LHFPL3: variants seen among roughly 807,000 people sequenced by gnomAD.
The protein encoded by LHFPL3 is LHFPL tetraspan subfamily member 3.
Under a neutral mutation model 19.3 loss-of-function variants are expected in LHFPL3, and 5 were observed. That is an observed-to-expected ratio of 0.26 (90% confidence interval 0.14 to 0.54). The LOEUF (loss-of-function observed/expected upper bound fraction) is 0.54. Ranked by LOEUF, LHFPL3 falls within the 20% of genes least tolerant of loss-of-function variation. The pLI, the probability that LHFPL3 is intolerant of heterozygous loss-of-function variation, is 0.94. For missense variants in LHFPL3, 249 were observed against 307.4 expected (o/e 0.81, Z 1.42); for synonymous variants, 133 against 126.2 (o/e 1.05, Z -0.36).
chr7:104,608,568 G>A (rs957491443), intron 1 of LHFPL3, among the ~76,000 whole-genome samples: 24 of 149,322 alleles, frequency 1.6e-4, no homozygotes, highest in African/African-American at 5.3e-4. Flanking sequence ...AATGGGTGCA[G>A]TACACCAACA....
At chr7:104,819,408 A>G (rs929371239) in intron 2 of LHFPL3, among the ~76,000 whole-genome samples, 1 of 151,334 alleles carries the variant, frequency 6.6e-6, no homozygotes, top group Non-Finnish European at 1.5e-5. Context: ...TGCTGTCTCA[A>G]TTACTTACCT....
At chr7:104,781,733 C>T (rs1412981508) in intron 2 of LHFPL3, among the ~76,000 whole-genome samples, 1 of 152,104 alleles carries the variant, frequency 6.6e-6, no homozygotes, top group Non-Finnish European at 1.5e-5. Context: ...GGCATTAAAT[C>T]GAAAGGATAC....
chr7:104,783,499 C>A (rs1264125866), intron 2 of LHFPL3, among the ~76,000 whole-genome samples: 1 of 152,172 alleles, frequency 6.6e-6, no homozygotes, highest in Non-Finnish European at 1.5e-5. Flanking sequence ...GTGTACATCA[C>A]AATCTTCTAG....
In LHFPL3 at chr7:104,762,176, G is replaced by A. The variant is rs1278501161; in HGVS notation, c.682+25265G>A. Among the ~76,000 whole-genome samples the A allele has an allele frequency of 4.6e-5, 7 of 152,262 alleles. No homozygotes were observed. The East Asian group carries it at 7.7e-4, about 17-fold the overall frequency. The stretch of plus-strand genomic sequence containing the variant: ...ATGAGAGGGTTAACATCCAGGACCC[G>A]AGACAAAGATATTTGCTGGAGTGGG... On this transcript the variant is annotated intron_variant, in intron 2 of 2. Coordinates refer to ENST00000424859, the MANE Select transcript of LHFPL3 (RefSeq NM_199000.3).
chr7:104,517,506 CTT>C lies in LHFPL3; in HGVS notation c.445+188298_445+188299del, dbSNP rs34506009. Among the ~76,000 whole-genome samples the C allele has an allele frequency of 2.6e-3, 338 of 129,338 alleles. 3 individuals carry two copies. The East Asian group carries it at 0.053, about 20-fold the overall frequency. 84.9% of individuals were successfully genotyped at this position (129,338 alleles called of 152,430 possible). ...CAAATTATTCAAATAATTGATTGGC[CTT>C]TTTTTTTTTTTTTTTGAGATGGAGT... On this transcript the variant is annotated intron_variant, in intron 1 of 2. Transcript: ENST00000424859.
At chr7:104,422,625 C>G (rs1791756284) in intron 1 of LHFPL3, among the ~76,000 whole-genome samples, 1 of 152,196 alleles carries the variant, frequency 6.6e-6, no homozygotes. Flanking sequence ...CCACCACGTA[C>G]TATGTATGTG....
At chr7:104,845,347 T>C in intron 2 of LHFPL3, 1 of 1,243,722 alleles carries the variant, frequency 8.0e-7, no homozygotes, top group Non-Finnish European at 1.1e-6. Flanking sequence ...TTATTTTACC[T>C]TTAACCGTTC....
At chr7:104,391,372 G>T (rs1236164818) in intron 1 of LHFPL3, among the ~76,000 whole-genome samples, 3 of 152,142 alleles carry the variant, frequency 2.0e-5, no homozygotes, top group Non-Finnish European at 1.5e-5. Context: ...TAAGGTGTAA[G>T]GAAGGGATCC....
At chr7:104,731,921 T>C (rs1034258574) in intron 1 of LHFPL3, among the ~76,000 whole-genome samples, 1 of 152,052 alleles carries the variant, frequency 6.6e-6, no homozygotes, top group African/African-American at 2.4e-5. Flanking sequence ...TTATTGAGAG[T>C]TTTTAGCATG....
intron 1 of LHFPL3, among the ~76,000 whole-genome samples, chr7:104,685,510 C>T (rs1198046328): frequency 6.6e-6 from 1 of 152,108 alleles, no homozygotes; most frequent in Non-Finnish European, 1.5e-5. Flanking sequence ...AATTCTTCAC[C>T]CTCTTCCACG....
At chr7:104,366,899 G>GA (rs369992944) in intron 1 of LHFPL3, among the ~76,000 whole-genome samples, 19 of 152,132 alleles carry the variant, frequency 1.2e-4, no homozygotes, top group African/African-American at 4.3e-4. Context: ...AGCCAGGAAA[G>GA]AAAAAATAAA....
intron 2 of LHFPL3, among the ~76,000 whole-genome samples, chr7:104,898,182 G>A (rs749441370): frequency 5.9e-5 from 9 of 151,466 alleles, no homozygotes; most frequent in Non-Finnish European, 1.3e-4. Flanking sequence ...GCTAATTTTT[G>A]TATTTATTAG....
intron 1 of LHFPL3, among the ~76,000 whole-genome samples, chr7:104,656,645 A>G (rs1352329228): frequency 6.6e-6 from 1 of 152,220 alleles, no homozygotes. Flanking sequence ...GCTTGCCCAG[A>G]GGAAATCCAC....
intron 2 of LHFPL3, among the ~76,000 whole-genome samples, chr7:104,823,867 C>T (rs986686413): frequency 7.9e-5 from 12 of 151,854 alleles, no homozygotes; most frequent in Admixed American, 5.9e-4. Context: ...AGCCTGGGGC[C>T]AGGCATGGTG....
rs376202005 is a variant in LHFPL3 at position 104,814,175 on chromosome 7, C to T, written c.682+77264C>T. Among the ~76,000 whole-genome samples, 19 of 152,252 alleles carry T rather than the reference C, an allele frequency of 1.2e-4. No homozygotes were observed. In the East Asian group the frequency reaches 3.3e-3, roughly 26 times the overall value. ...GCTCCTAGCAGAGGGTAGCTCCTCT[C>T]TGCTAGGCAAGTCATCCCAACAAGT... On this transcript the variant is annotated intron_variant, in intron 2 of 2. Coordinates refer to ENST00000424859, the MANE Select transcript of LHFPL3 (RefSeq NM_199000.3).
At chr7:104,538,813 G>A (rs187426524) in intron 1 of LHFPL3, among the ~76,000 whole-genome samples, 1 of 151,122 alleles carries the variant, frequency 6.6e-6, no homozygotes, top group Non-Finnish European at 1.5e-5. Flanking sequence ...AAGCAACTTT[G>A]CACGTGAGAT....
chr7:104,684,343 G>A (rs559352417), intron 1 of LHFPL3, among the ~76,000 whole-genome samples: 5 of 152,246 alleles, frequency 3.3e-5, no homozygotes, highest in South Asian at 4.1e-4. Flanking sequence ...AACTTTCTCC[G>A]TAAAGGGCCA....
intron 1 of LHFPL3, among the ~76,000 whole-genome samples, chr7:104,401,830 C>A (rs1262789030): frequency 3.9e-5 from 6 of 152,018 alleles, no homozygotes; most frequent in Non-Finnish European, 7.4e-5. Flanking sequence ...AGCCGTGCAC[C>A]CCTCATTAAG....
chr7:104,760,336 A>G (rs930880963), intron 2 of LHFPL3, among the ~76,000 whole-genome samples: 2 of 152,218 alleles, frequency 1.3e-5, no homozygotes, highest in African/African-American at 4.8e-5. Context: ...ACCAAGTAGT[A>G]TGGACTGGGA....
Sources: allele counts gnomAD v4.1 joint callset (sites outside exome capture counted in the v4.1 genomes callset), GRCh38; gene constraint gnomAD v4.1.1; transcripts MANE v1.5; gene names NCBI Gene and HGNC (gene_info 2026-07-23, HGNC 2026-07-21).